Variants in OLFM3 observed in about 807,000 individuals in gnomAD.
The protein encoded by OLFM3 is olfactomedin 3, also known as noelin-3.
Under a neutral mutation model 48.6 loss-of-function variants are expected in OLFM3, and 20 were observed. The ratio of observed to expected loss-of-function variants is 0.41; its 90% CI spans 0.29 to 0.60. The LOEUF (loss-of-function observed/expected upper bound fraction) is 0.60, where lower values mean the gene tolerates loss of function less well. Among genes scored for constraint, OLFM3 ranks in the 20% least tolerant of loss-of-function variants. The probability of loss-of-function intolerance (pLI) is 0.28; values close to 1 mark genes in which losing one functional copy is unlikely to be tolerated. For synonymous variants in OLFM3, 222 were observed against 198.1 expected, an observed-to-expected ratio of 1.12 and a Z score of -1.01; for missense variants, 437 against 544.3, an observed-to-expected ratio of 0.80 and a Z score of 1.96.
chr1:101,969,381 G>T (rs1431875944), intron 1 of OLFM3, among the ~76,000 whole-genome samples: 1 of 150,950 alleles, frequency 6.6e-6, no homozygotes, highest in Non-Finnish European at 1.5e-5. Context: ...TGCTCAGGCT[G>T]GTCTTGAACT....
At chr1:101,872,448 G>A (rs1269916908) in intron 1 of OLFM3, among the ~76,000 whole-genome samples, 1 of 152,014 alleles carries the variant, frequency 6.6e-6, no homozygotes, top group Non-Finnish European at 1.5e-5. Flanking sequence ...ATTAAGAGAT[G>A]AGTGGAAGCT....
intron 1 of OLFM3, among the ~76,000 whole-genome samples, chr1:101,856,134 T>C (rs1160671607): frequency 6.6e-6 from 1 of 151,970 alleles, no homozygotes; most frequent in East Asian, 1.9e-4. Context: ...TTTGTCATCA[T>C]TGTCCTCTCA....
chr1:101,900,589 C>G (rs1658357925), intron 1 of OLFM3, among the ~76,000 whole-genome samples: 1 of 151,272 alleles, frequency 6.6e-6, no homozygotes, highest in Admixed American at 6.6e-5. Context: ...TTGGCCTGGA[C>G]AAATCATGGG....
Position 101,803,742 on chromosome 1 carries a change from G to C in OLFM3, c.*496C>G, listed in dbSNP as rs1653607073. 6.6e-6 allele frequency: 1 copy of C among 152,450 alleles called. No individual in the cohort carries two copies. Among genetic ancestry groups the C allele is most frequent in the Non-Finnish European group, 1.5e-5 (1 of 68,102 alleles). 9.4% of individuals were successfully genotyped at this position (152,450 alleles called of 1,614,324 possible). A position where few individuals can be genotyped will look rare whatever the true frequency, so the allele number is the denominator to read the frequency against. ...ACCGCATCAGAGAATTGTGTTAACAGCAAAATGATTAATATTATTTTTCAA... is the reference window on the plus strand; with the variant it reads ...ACCGCATCAGAGAATTGTGTTAACACCAAAATGATTAATATTATTTTTCAA... On this transcript the variant is annotated 3_prime_UTR_variant, in exon 6 of 6. Transcript: ENST00000370103.
chr1:101,959,646 CTT>C (rs1485384072), intron 1 of OLFM3, among the ~76,000 whole-genome samples: 1 of 152,096 alleles, frequency 6.6e-6, no homozygotes, highest in African/African-American at 2.4e-5. Context: ...TGAAATTAGA[CTT>C]TTAAAAAGGC....
At chr1:101,854,252 AC>A (rs61560407) in intron 1 of OLFM3, among the ~76,000 whole-genome samples, 17,576 of 151,984 alleles carry the variant, frequency 0.12, 2,449 homozygotes, top group East Asian at 0.33. Flanking sequence ...CCAATTAGGG[AC>A]CATTTGTAGG....
intron 1 of OLFM3, among the ~76,000 whole-genome samples, chr1:101,843,710 G>A (rs531584486): frequency 6.9e-4 from 105 of 152,214 alleles, no homozygotes; most frequent in African/African-American, 2.3e-3. Flanking sequence ...CTGTTTCAGA[G>A]GCACCTGCCA....
intron 1 of OLFM3, 152 bp downstream of exon 1, chr1:101,996,596 T>C: frequency 5.4e-6 from 4 of 740,864 alleles, no homozygotes; most frequent in Non-Finnish European, 6.8e-6. Context: ...GTTCACCTTG[T>C]TATGTTCCAA....
Position 101,828,014 on chromosome 1 carries a change from C to A in OLFM3, c.372+2658G>T, listed in dbSNP as rs555035870. On this transcript the variant is annotated intron_variant, in intron 3 of 5. Transcript: ENST00000370103. ...TGTGGTACTTCTGCATTCATGCTCT[C>A]TCTCTCTCTCTCTCTCTCTGTCTGT... 4.9e-5 allele frequency among the ~76,000 whole-genome samples: 4 copies of A among 81,340 alleles called. No homozygotes were observed. The East Asian group carries it at 9.9e-4, about 20-fold the overall frequency. 53.4% of individuals were successfully genotyped at this position (81,340 alleles called of 152,430 possible).
chr1:101,907,727 G>A (rs1057285673), intron 1 of OLFM3, among the ~76,000 whole-genome samples: 2 of 152,160 alleles, frequency 1.3e-5, no homozygotes, highest in Non-Finnish European at 2.9e-5. Context: ...GACAAAAGTC[G>A]CTAATCAGTC....
intron 3 of OLFM3, among the ~76,000 whole-genome samples, chr1:101,826,021 C>T (rs1473485466): frequency 6.6e-6 from 1 of 152,124 alleles, no homozygotes; most frequent in African/African-American, 2.4e-5. Context: ...GGCAGAATTG[C>T]TTGCCCATGT....
intron 1 of OLFM3, among the ~76,000 whole-genome samples, chr1:101,990,282 A>G (rs1661362651): frequency 6.6e-6 from 1 of 152,198 alleles, no homozygotes; most frequent in Non-Finnish European, 1.5e-5. Context: ...AACTTTATAC[A>G]ATATTCATTT....
chr1:101,814,902 T>C (rs1557684786), intron 4 of OLFM3, among the ~76,000 whole-genome samples: 1 of 152,168 alleles, frequency 6.6e-6, no homozygotes. Context: ...CTTAATACGC[T>C]TGATGAATTA....
chr1:101,872,702 C>G (rs557585027), intron 1 of OLFM3, among the ~76,000 whole-genome samples: 14 of 151,994 alleles, frequency 9.2e-5, no homozygotes, highest in African/African-American at 3.4e-4. Flanking sequence ...AACTTGGCAT[C>G]AACGAACAAG....
intron 4 of OLFM3, among the ~76,000 whole-genome samples, chr1:101,823,106 G>C (rs1654686817): frequency 6.6e-6 from 1 of 151,944 alleles, no homozygotes. Flanking sequence ...GATATTTATT[G>C]AGTGACTTTT....
intron 4 of OLFM3, among the ~76,000 whole-genome samples, chr1:101,809,095 T>C (rs1040713641): frequency 1.8e-4 from 27 of 151,344 alleles, no homozygotes; most frequent in African/African-American, 6.1e-4. Context: ...AGGATCAATC[T>C]AGAAGCTCCA....
chr1:101,918,363 A>G (rs1039425933), intron 1 of OLFM3, among the ~76,000 whole-genome samples: 11 of 152,182 alleles, frequency 7.2e-5, no homozygotes, highest in African/African-American at 2.7e-4. Context: ...TGAAATAGGT[A>G]TCGTGGGGCT....
intron 1 of OLFM3, among the ~76,000 whole-genome samples, chr1:101,876,756 A>G (rs1470375736): frequency 6.6e-6 from 1 of 151,956 alleles, no homozygotes; most frequent in Non-Finnish European, 1.5e-5. Flanking sequence ...TGAATTCTAT[A>G]TGTTAAAATC....
chr1:101,944,920 A>T (rs1659909324), intron 1 of OLFM3, among the ~76,000 whole-genome samples: 1 of 152,026 alleles, frequency 6.6e-6, no homozygotes, highest in African/African-American at 2.4e-5. Context: ...CATTGTGAGG[A>T]AATTACCAGA....
Sources: gnomAD v4.1 joint callset for allele counts (sites outside exome capture counted in the v4.1 genomes callset) on GRCh38, gnomAD v4.1.1 for gene constraint, MANE v1.5 for transcripts, NCBI Gene and HGNC (gene_info 2026-07-23, HGNC 2026-07-21) for gene names.